The following SLC27A1 variants were observed in gnomAD, a reference collection of about 807,000 sequenced individuals.
The protein encoded by SLC27A1 is solute carrier family 27 member 1, also known as long-chain fatty acid transport protein 1.
In SLC27A1, 61 loss-of-function variants were observed where a neutral mutation model predicts 62.2. That is an observed-to-expected ratio of 0.98 (90% CI 0.80 to 1.21). SLC27A1 has a LOEUF of 1.21. Ranked by LOEUF, SLC27A1 falls within the 50% of genes most tolerant of loss-of-function variation. The pLI is 0.00. For missense variants in SLC27A1, 903 were observed against 932.1 expected (o/e 0.97, Z 0.41); for synonymous variants, 435 against 408.6 (o/e 1.06, Z -0.78).
chr19:17,504,387 G>A, intron 11 of SLC27A1, 68 bp from the exon 12 acceptor site: 2 of 1,582,528 alleles, frequency 1.3e-6, no homozygotes, highest in Non-Finnish European at 8.7e-7. Context: ...GTGCAGGAGA[G>A]GATATTGAGT....
At position 17,477,239 on chromosome 19, in the gene SLC27A1, G is replaced by C. The variant is rs527887902; in HGVS notation, c.167+6532G>C. Among the ~76,000 whole-genome samples the C allele has an allele frequency of 3.6e-3, 178 of 49,074 alleles. 2 individuals are homozygous for C. The highest frequency in any genetic ancestry group is 0.014 in the Middle Eastern group (1 of 74). The allele number at this position is 49,074 out of a possible 152,430, so 32.2% of individuals were successfully genotyped here. A position where few individuals can be genotyped will look rare whatever the true frequency, so the allele number is the denominator to read the frequency against. ...TTTATTGGTTGAATGGATGAGCAGC[G>C]CTTTTTTTTTTTTTTTTTTTTTTTT... On this transcript the variant is annotated intron_variant, in intron 1 of 11. Coordinates refer to ENST00000252595, the MANE Select transcript of SLC27A1 (RefSeq NM_198580.3).
At chr19:17,487,595 AC>A in intron 4 of SLC27A1, 66 bp downstream of exon 4, 1 of 1,500,938 alleles carries the variant, frequency 6.7e-7, no homozygotes, top group Non-Finnish European at 9.1e-7. Context: ...TGCCAGCCTG[AC>A]CTGCCCCTCA....
At position 17,500,734 on chromosome 19, in the gene SLC27A1, G is replaced by A; in HGVS notation, c.1494G>A (p.Glu498=). 3 of 1,614,072 alleles carry A rather than the reference G, an allele frequency of 1.9e-6. No individual in the cohort carries two copies. The highest frequency in any genetic ancestry group is 2.5e-6 in the Non-Finnish European group (3 of 1,180,028). Residue 498 remains glutamate, a synonymous_variant, in exon 10 of 12, where the codon GAG becomes GAA. Coordinates refer to ENST00000252595, the MANE Select transcript of SLC27A1 (RefSeq NM_198580.3). Reference sequence around the variant, plus strand: ...CAGGTGACGTGCTAGTGATGGATGAGCTGGGCTACATGTACTTCCGGGACC... The same window carrying A: ...CAGGTGACGTGCTAGTGATGGATGAACTGGGCTACATGTACTTCCGGGACC... ...YLSGDVLVMD[E]LGYMYFRDRS...
At chr19:17,470,401 C>T (rs1327057577), upstream of SLC27A1, 2 of 1,032,312 alleles carry the variant, frequency 1.9e-6, no homozygotes, top group Admixed American at 4.2e-5. Flanking sequence ...ACTCGGAGCG[C>T]GTTCCCGGAC....
intron 6 of SLC27A1, among the ~76,000 whole-genome samples, chr19:17,495,222 ACCT>A (rs2075336410): frequency 1.3e-5 from 2 of 148,776 alleles, no homozygotes; most frequent in South Asian, 4.2e-4. Context: ...TGATCTGCCC[ACCT>A]CGGCCCCCCA....
At chr19:17,481,148 C>G (rs546125711) in intron 1 of SLC27A1, among the ~76,000 whole-genome samples, 8 of 152,036 alleles carry the variant, frequency 5.3e-5, no homozygotes, top group Non-Finnish European at 7.4e-5. Flanking sequence ...TGGTCTCGAA[C>G]TCCCAACCTC....
At chr19:17,470,130 G>T (rs987885587), upstream of SLC27A1, among the ~76,000 whole-genome samples, 6 of 152,100 alleles carry the variant, frequency 3.9e-5, no homozygotes, top group Admixed American at 1.3e-4. Context: ...AAGGCATGTG[G>T]CGAGGCCTGA....
At chr19:17,473,170 C>T (rs773878773) in intron 1 of SLC27A1, among the ~76,000 whole-genome samples, 1 of 152,006 alleles carries the variant, frequency 6.6e-6, no homozygotes, top group African/African-American at 2.4e-5. Context: ...TGGCCTCCAG[C>T]GATCACCCAA....
At chr19:17,487,014 G>A in intron 2 of SLC27A1, 57 bp downstream of exon 2, 2 of 1,536,906 alleles carry the variant, frequency 1.3e-6, no homozygotes, top group East Asian at 2.3e-5. Context: ...CCCTGGGCGG[G>A]CGGGGAGATG....
rs546339062 is a variant in SLC27A1 at position 17,505,828 on chromosome 19, G to A, written c.*1216G>A. 292 of 152,916 alleles carry A rather than the reference G, an allele frequency of 1.9e-3. 2 individuals are homozygous for A. The highest frequency in any genetic ancestry group is 3.4e-3 in the Middle Eastern group (1 of 298). 9.5% of individuals were successfully genotyped at this position (152,916 alleles called of 1,614,324 possible). A position where few individuals can be genotyped will look rare whatever the true frequency, so the allele number is the denominator to read the frequency against. On this transcript the variant is annotated 3_prime_UTR_variant, in exon 12 of 12. Transcript: ENST00000252595. ...CCGGGGGTTGGCCTCTCAAGCCTCA[G>A]GGGTTCTAGCCTGTTGAATATACCC...
At chr19:17,484,886 G>A (rs1164865177) in intron 1 of SLC27A1, among the ~76,000 whole-genome samples, 1 of 152,180 alleles carries the variant, frequency 6.6e-6, no homozygotes, top group Non-Finnish European at 1.5e-5. Flanking sequence ...TGGTGATTTT[G>A]ATGCAGAAGC....
Position 17,489,007 on chromosome 19 carries a change from G to A in SLC27A1, c.887-1G>A, listed in dbSNP as rs150085935. 1.2e-5 allele frequency: 19 copies of A among 1,614,078 alleles called. No homozygotes were observed. The African/African-American group carries it at 1.5e-4, about 12-fold the overall frequency. On this transcript the variant is annotated splice_acceptor_variant, in intron 5 of 11. Transcript: ENST00000252595. LOFTEE classifies it high-confidence loss of function. ...CCCCTTACCAAGGCCACCCTCTGCA[G>A]GAAACATCATCGGCGTGGGGCAGTG... is the stretch of plus-strand genomic sequence containing the variant.
intron 2 of SLC27A1, 54 bp downstream of exon 2, chr19:17,487,011 C>A: frequency 1.3e-6 from 2 of 1,519,168 alleles, no homozygotes; most frequent in African/African-American, 1.4e-5. Flanking sequence ...GGCCCCTGGG[C>A]GGGCGGGGAG....
At chr19:17,479,171 C>T (rs1348488884) in intron 1 of SLC27A1, among the ~76,000 whole-genome samples, 4 of 151,766 alleles carry the variant, frequency 2.6e-5, no homozygotes, top group South Asian at 2.1e-4. Flanking sequence ...TTTGGGAGGC[C>T]GAGGCAGGCG....
rs769866361 is a variant in SLC27A1 at position 17,504,649 on chromosome 19, T to C, written c.*37T>C. 7.4e-6 allele frequency: 12 copies of C among 1,613,176 alleles called. No homozygotes were observed. The highest frequency in any genetic ancestry group is 1.0e-5 in the Non-Finnish European group (12 of 1,179,722). On this transcript the variant is annotated 3_prime_UTR_variant, in exon 12 of 12. Transcript: ENST00000252595. Reference sequence around the variant, plus strand: ...TACTGGCCACAAACTCTGGGCCTGGTGGGAGAGGCCAGCTTGAGCCAGACA... The same window carrying C: ...TACTGGCCACAAACTCTGGGCCTGGCGGGAGAGGCCAGCTTGAGCCAGACA...
chr19:17,486,786 G>A lies in SLC27A1; in HGVS notation c.391G>A (p.Val131Met). ...GCTGGGCTTCGCGCCGGGCGACGTGGTGGCCATCTTCCTGGAGGGCCGGCC... is the reference window on the plus strand; with the variant it reads ...GCTGGGCTTCGCGCCGGGCGACGTGATGGCCATCTTCCTGGAGGGCCGGCC... ...RQLGFAPGDV[V>M]AIFLEGRPEF... Residue 131 changes from valine to methionine, a missense_variant, in exon 2 of 12, where the codon GTG becomes ATG. Val to Met is a conservative substitution (Grantham distance 21). Coordinates refer to ENST00000252595, the MANE Select transcript of SLC27A1 (RefSeq NM_198580.3). The surrounding 1 kb of genome is among the most constrained non-coding windows in gnomAD (Gnocchi z 6.6). 6.2e-6 allele frequency: 10 copies of A among 1,603,182 alleles called. No individual in the cohort carries two copies. The highest frequency in any genetic ancestry group is 8.5e-6 in the Non-Finnish European group (10 of 1,175,518).
intron 2 of SLC27A1, 35 bp from the exon 3 acceptor site, chr19:17,487,139 G>GGC: frequency 6.2e-7 from 1 of 1,613,302 alleles, no homozygotes; most frequent in Non-Finnish European, 8.5e-7. Flanking sequence ...GGGCCTGTCC[G>GGC]GCGGTGACCA....
upstream of SLC27A1, chr19:17,469,109 T>G (rs2144527610): frequency 6.6e-6 from 1 of 152,018 alleles, no homozygotes; most frequent in Admixed American, 6.6e-5. Context: ...GGCCTGTAGG[T>G]GCTTCTAGGA....
At position 17,497,391 on chromosome 19, in the gene SLC27A1, T is replaced by A. The variant is rs374723670; in HGVS notation, c.1133T>A (p.Phe378Tyr). 2.5e-6 allele frequency: 4 copies of A among 1,605,194 alleles called. No individual in the cohort carries two copies. The African/African-American group carries it at 5.4e-5, about 22-fold the overall frequency. Reference protein sequence around the residue: ...PAIWEEFTERFGVRQIGEFYG... With the variant: ...PAIWEEFTERYGVRQIGEFYG... The stretch of plus-strand genomic sequence containing the variant: ...ATCTGGGAGGAGTTCACGGAGCGCT[T>A]CGGCGTACGCCAAATCGGGGAGTTC... The change falls in exon 7 of 12, where the codon TTC becomes TAC. Residue 378 changes from phenylalanine (F) to tyrosine (Y), a missense_variant. Transcript: ENST00000252595.
Sources: gnomAD v4.1 joint callset for allele counts (sites outside exome capture counted in the v4.1 genomes callset) on GRCh38, gnomAD v4.1.1 for gene constraint, Gnocchi (gnomAD v3.1) non-coding constraint, MANE v1.5 for transcripts, NCBI Gene and HGNC (gene_info 2026-07-23, HGNC 2026-07-21) for gene names.